The following EXOC6B variants were observed in gnomAD, a reference collection of about 807,000 sequenced individuals.
The protein encoded by EXOC6B is SEC15 homolog B.
EXOC6B carries 54 observed loss-of-function variants against 113.5 expected under a neutral mutation model. That is an observed-to-expected ratio of 0.48 (90% confidence interval 0.38 to 0.60). The LOEUF (loss-of-function observed/expected upper bound fraction) is 0.60. Ranked by LOEUF, EXOC6B falls within the 20% of genes least tolerant of loss-of-function variation. The pLI is 0.00. For synonymous variants in EXOC6B, 357 were observed against 339.0 expected, an observed-to-expected ratio of 1.05 and a Z score of -0.58; for missense variants, 797 against 977.5, an observed-to-expected ratio of 0.82 and a Z score of 2.46.
chr2:72,768,602 G>A (rs1285473278), intron 1 of EXOC6B, among the ~76,000 whole-genome samples: 1 of 136,802 alleles, frequency 7.3e-6, no homozygotes, highest in African/African-American at 2.5e-5. Flanking sequence ...ACTGTGCCCG[G>A]CCTAAGCTTT....
At position 72,499,919 on chromosome 2, in the gene EXOC6B, A is replaced by C; in HGVS notation, c.1221T>G (p.Leu407=). The C allele has an allele frequency of 6.4e-7, 1 of 1,553,532 alleles. No individual in the cohort carries two copies. The change falls in exon 12 of 22, where the codon CTT becomes CTG. Residue 407 remains leucine (L), a synonymous_variant. Coordinates refer to ENST00000272427, the MANE Select transcript of EXOC6B (RefSeq NM_015189.3). ...LVLDLKNLIV[L]FADTLQVYGF... ...CACATACCTGAAGTGTGTCAGCAAA[A>C]AGCACAATGAGGTTCTTCAAATCTA...
At chr2:72,188,121 T>C (rs935894593) in intron 20 of EXOC6B, among the ~76,000 whole-genome samples, 1 of 152,020 alleles carries the variant, frequency 6.6e-6, no homozygotes, top group African/African-American at 2.4e-5. Context: ...GTGGTTTGGG[T>C]GGCTGCAGTT....
intron 6 of EXOC6B, among the ~76,000 whole-genome samples, chr2:72,624,495 A>G (rs769622971): frequency 1.3e-5 from 2 of 152,170 alleles, no homozygotes; most frequent in African/African-American, 2.4e-5. Flanking sequence ...AATCCTGCCA[A>G]TTTGGGAGGC....
intron 20 of EXOC6B, among the ~76,000 whole-genome samples, chr2:72,225,041 G>A (rs1205205871): frequency 7.5e-5 from 10 of 133,028 alleles, no homozygotes; most frequent in African/African-American, 2.7e-4. Context: ...TAGTAGAGAT[G>A]GGGTTTCGCC....
At chr2:72,427,463 C>T (rs1695266892) in intron 18 of EXOC6B, among the ~76,000 whole-genome samples, 1 of 152,322 alleles carries the variant, frequency 6.6e-6, no homozygotes, top group South Asian at 2.1e-4. Flanking sequence ...GTGCCCACTC[C>T]CATCTCGGAG....
At chr2:72,195,845 T>C (rs1286579066) in intron 20 of EXOC6B, among the ~76,000 whole-genome samples, 2 of 152,238 alleles carry the variant, frequency 1.3e-5, no homozygotes, top group Non-Finnish European at 2.9e-5. Context: ...CTATTTATAT[T>C]ATTTGTATTC....
chr2:72,353,169 G>A (rs938332347), intron 19 of EXOC6B, among the ~76,000 whole-genome samples: 6 of 152,126 alleles, frequency 3.9e-5, no homozygotes, highest in Admixed American at 6.5e-5. Context: ...TTTGGAGTTC[G>A]TTGATAGAGC....
At chr2:72,761,172 C>T (rs1479009613) in intron 1 of EXOC6B, among the ~76,000 whole-genome samples, 1 of 151,802 alleles carries the variant, frequency 6.6e-6, no homozygotes, top group African/African-American at 2.4e-5. Flanking sequence ...GAGCAAGACT[C>T]TGTCTCAAAA....
intron 18 of EXOC6B, among the ~76,000 whole-genome samples, chr2:72,407,788 C>T (rs1427027327): frequency 6.6e-6 from 1 of 152,104 alleles, no homozygotes. Flanking sequence ...GGAAGCATTC[C>T]CTTTGAAAAC....
At chr2:72,441,862 CAAA>C (rs1196627692) in intron 18 of EXOC6B, among the ~76,000 whole-genome samples, 1 of 152,144 alleles carries the variant, frequency 6.6e-6, no homozygotes, top group African/African-American at 2.4e-5. Context: ...GAAACTATTC[CAAA>C]AACTGAAAAG....
chr2:72,346,763 GAAAGT>G (rs1453295633), intron 19 of EXOC6B, among the ~76,000 whole-genome samples: 3 of 152,068 alleles, frequency 2.0e-5, no homozygotes, highest in Non-Finnish European at 2.9e-5. Flanking sequence ...AAGAGTTAAG[GAAAGT>G]AAAGAATATA....
intron 12 of EXOC6B, 51 bp from the exon 13 acceptor site, chr2:72,498,602 TTCGG>T: frequency 7.4e-7 from 1 of 1,345,156 alleles, no homozygotes; most frequent in East Asian, 2.4e-5. Context: ...GAGTTTTTTT[TTCGG>T]TTTTTTTTTT....
At chr2:72,507,036 C>T (rs1324310735) in intron 11 of EXOC6B, among the ~76,000 whole-genome samples, 2 of 151,984 alleles carry the variant, frequency 1.3e-5, no homozygotes, top group Non-Finnish European at 2.9e-5. Context: ...TTGAAATCAG[C>T]ACTGAGAATG....
At chr2:72,181,087 T>C (rs1311389625) in intron 21 of EXOC6B, among the ~76,000 whole-genome samples, 4 of 151,640 alleles carry the variant, frequency 2.6e-5, no homozygotes, top group African/African-American at 7.3e-5. Flanking sequence ...CAGGTGCCTG[T>C]AGTCCCAGCT....
At chr2:72,181,992 G>A (rs745486399) in intron 21 of EXOC6B, among the ~76,000 whole-genome samples, 28 of 152,016 alleles carry the variant, frequency 1.8e-4, no homozygotes, top group Admixed American at 7.9e-4. Flanking sequence ...TTTCTGTTTC[G>A]CCCTGCTAAG....
chr2:72,367,620 G>A (rs561962404), intron 19 of EXOC6B, among the ~76,000 whole-genome samples: 4 of 152,068 alleles, frequency 2.6e-5, no homozygotes, highest in East Asian at 1.9e-4. Flanking sequence ...ACATCATATC[G>A]CTAAAAGAGA....
At chr2:72,771,484 A>G (rs1361595130) in intron 1 of EXOC6B, among the ~76,000 whole-genome samples, 1 of 152,204 alleles carries the variant, frequency 6.6e-6, no homozygotes, top group African/African-American at 2.4e-5. Flanking sequence ...TTACATTGAT[A>G]CAATTATATC....
At chr2:72,507,619 C>CAAT (rs1256519177) in intron 11 of EXOC6B, among the ~76,000 whole-genome samples, 2 of 152,020 alleles carry the variant, frequency 1.3e-5, no homozygotes, top group Non-Finnish European at 2.9e-5. Flanking sequence ...TACCCTTTAG[C>CAAT]TATCACCTCT....
At chr2:72,260,464 T>C (rs1683647015) in intron 20 of EXOC6B, among the ~76,000 whole-genome samples, 1 of 152,212 alleles carries the variant, frequency 6.6e-6, no homozygotes, top group African/African-American at 2.4e-5. Flanking sequence ...CTCTGTGAAG[T>C]TGTAAGCAAC....
Sources: gnomAD v4.1 joint callset for allele counts (sites outside exome capture counted in the v4.1 genomes callset) on GRCh38, gnomAD v4.1.1 for gene constraint, MANE v1.5 for transcripts, NCBI Gene and HGNC (gene_info 2026-07-23, HGNC 2026-07-21) for gene names.